Variants in NEK11 observed in about 807,000 individuals in gnomAD.
NEK11 encodes the protein serine/threonine-protein kinase Nek11.
In NEK11, 72 loss-of-function variants were observed where a neutral mutation model predicts 80.7. The observed-to-expected ratio is 0.89, with a 90% confidence interval of 0.74 to 1.08. The LOEUF is 1.08. Ranked by LOEUF, NEK11 falls within the 50% of genes least tolerant of loss-of-function variation. The probability of loss-of-function intolerance (pLI) is 0.00; values close to 1 mark genes in which losing one functional copy is unlikely to be tolerated. For synonymous variants in NEK11, 251 were observed against 260.7 expected (o/e 0.96, Z 0.36); for missense variants, 764 against 763.6 (o/e 1.00, Z -0.01).
intron 15 of NEK11, among the ~76,000 whole-genome samples, chr3:131,231,988 G>T (rs1343937415): frequency 6.6e-6 from 1 of 152,198 alleles, no homozygotes; most frequent in Non-Finnish European, 1.5e-5. Context: ...CATTGAGATT[G>T]ATTACTGAGT....
At chr3:131,078,937 G>T (rs1397018318) in intron 3 of NEK11, among the ~76,000 whole-genome samples, 1 of 148,368 alleles carries the variant, frequency 6.7e-6, no homozygotes, top group African/African-American at 2.5e-5. Context: ...TATTTTTTAG[G>T]ACCTAGTTTT....
intron 3 of NEK11, among the ~76,000 whole-genome samples, chr3:131,076,236 C>G (rs2148977853): frequency 6.6e-6 from 1 of 152,298 alleles, no homozygotes; most frequent in African/African-American, 2.4e-5. Flanking sequence ...TGACAAGTGT[C>G]TGCTACAATA....
intron 3 of NEK11, among the ~76,000 whole-genome samples, chr3:131,079,110 AACTTTCACGC>A (rs2074844385): frequency 6.6e-6 from 1 of 152,172 alleles, no homozygotes; most frequent in Admixed American, 6.5e-5. Context: ...TAGCAGAGAT[AACTTTCACGC>A]TCACTCTTCA....
intron 10 of NEK11, among the ~76,000 whole-genome samples, chr3:131,157,569 C>T (rs1243357775): frequency 6.6e-6 from 1 of 152,148 alleles, no homozygotes; most frequent in Non-Finnish European, 1.5e-5. Flanking sequence ...GATGCCCTAC[C>T]TCTAGTTGGC....
chr3:131,118,878 C>G (rs2081830045), intron 5 of NEK11, among the ~76,000 whole-genome samples: 1 of 151,872 alleles, frequency 6.6e-6, no homozygotes, highest in Non-Finnish European at 1.5e-5. Flanking sequence ...CTTTATTAGT[C>G]TTGCTAGCTG....
At chr3:131,053,963 T>G (rs551174557) in intron 3 of NEK11, among the ~76,000 whole-genome samples, 1 of 152,358 alleles carries the variant, frequency 6.6e-6, no homozygotes, top group African/African-American at 2.4e-5. Context: ...GGCCCAGAAA[T>G]GGGACACACA....
intron 5 of NEK11, among the ~76,000 whole-genome samples, chr3:131,123,958 G>A (rs893112417): frequency 1.3e-5 from 2 of 152,158 alleles, no homozygotes; most frequent in African/African-American, 4.8e-5. Context: ...GTTAACTTGG[G>A]TGGCTGAGCA....
At chr3:131,281,725 T>C (rs990468948) in intron 17 of NEK11, among the ~76,000 whole-genome samples, 6 of 152,226 alleles carry the variant, frequency 3.9e-5, no homozygotes, top group African/African-American at 1.4e-4. Context: ...TATGAGAGTG[T>C]TGTTTCCCCA....
At chr3:131,038,790 A>G (rs530399423) in intron 3 of NEK11, among the ~76,000 whole-genome samples, 53 of 152,212 alleles carry the variant, frequency 3.5e-4, no homozygotes, top group Non-Finnish European at 5.0e-4. Context: ...ACAATAGTAT[A>G]CTTGTTAGAT....
chr3:131,068,561 C>G (rs771116540), intron 3 of NEK11, among the ~76,000 whole-genome samples: 1 of 151,822 alleles, frequency 6.6e-6, no homozygotes, highest in East Asian at 1.9e-4. Context: ...TTTTAGTGTC[C>G]CTTACTCAAC....
chr3:131,315,220 T>C (rs78498452), intron 17 of NEK11, among the ~76,000 whole-genome samples: 2,818 of 152,328 alleles, frequency 0.018, 42 homozygotes, highest in East Asian at 0.088. Flanking sequence ...ATCTTTAGAC[T>C]ATTCATCCTA....
intron 17 of NEK11, among the ~76,000 whole-genome samples, chr3:131,291,845 C>A (rs954723857): frequency 1.3e-5 from 2 of 151,990 alleles, no homozygotes; most frequent in African/African-American, 2.4e-5. Context: ...GCATAATAGC[C>A]CCTTATCAGA....
intron 16 of NEK11, among the ~76,000 whole-genome samples, chr3:131,272,463 C>CTTCTTT (rs2096210843): frequency 4.6e-5 from 2 of 43,900 alleles, no homozygotes; most frequent in African/African-American, 1.8e-4. Context: ...GTTTTAGCTT[C>CTTCTTT]TTTTTTTTTT....
chr3:131,154,743 G>A, intron 9 of NEK11: 1 of 314,892 alleles, frequency 3.2e-6, no homozygotes. Flanking sequence ...GTTGGAAAAA[G>A]CTTGTGTCTT....
At chr3:131,128,856 T>C (rs2083847899) in intron 5 of NEK11, among the ~76,000 whole-genome samples, 1 of 152,158 alleles carries the variant, frequency 6.6e-6, no homozygotes, top group African/African-American at 2.4e-5. Flanking sequence ...TTCTAATAGG[T>C]GTGTAGTGGT....
At position 131,350,087 on chromosome 3, in the gene NEK11, G is replaced by A. The variant is rs1000348922; in HGVS notation, c.*311G>A. On this transcript the variant is annotated 3_prime_UTR_variant, in exon 18 of 18. Coordinates refer to ENST00000383366, the MANE Select transcript of NEK11 (RefSeq NM_024800.5). ...GGATTGAGTCACCCTGACGATGACC[G>A]GGGAGAAGCCGTGTGCTCTTCATTA... The A allele has an allele frequency of 2.6e-5, 8 of 301,982 alleles. No homozygotes were observed. Among genetic ancestry groups the A allele is most frequent in the Admixed American group, 9.6e-5 (2 of 20,758 alleles). The allele number at this position is 301,982 out of a possible 1,614,324, so 18.7% of individuals were successfully genotyped here.
chr3:131,087,610 A>G (rs988223998), intron 4 of NEK11, among the ~76,000 whole-genome samples: 3 of 152,234 alleles, frequency 2.0e-5, no homozygotes, highest in African/African-American at 7.2e-5. Context: ...TGATTGTACT[A>G]TAAAACGGAA....
At chr3:131,234,343 A>C (rs2095391671) in intron 15 of NEK11, among the ~76,000 whole-genome samples, 2 of 152,214 alleles carry the variant, frequency 1.3e-5, no homozygotes, top group African/African-American at 4.8e-5. Flanking sequence ...TTTTTACATG[A>C]TCTGACCTAA....
chr3:131,263,899 G>C (rs144669041), intron 16 of NEK11, among the ~76,000 whole-genome samples: 1 of 151,996 alleles, frequency 6.6e-6, no homozygotes, highest in Admixed American at 6.6e-5. Flanking sequence ...TTTAATGATC[G>C]CCATTCTAAC....
Sources: gnomAD v4.1 joint callset for allele counts (sites outside exome capture counted in the v4.1 genomes callset) on GRCh38, gnomAD v4.1.1 for gene constraint, MANE v1.5 for transcripts, NCBI Gene and HGNC (gene_info 2026-07-23, HGNC 2026-07-21) for gene names.